Variants in GBE1 observed in about 807,000 individuals in gnomAD.
The protein encoded by GBE1 is 1,4-alpha-glucan-branching enzyme.
GBE1 carries 70 observed loss-of-function variants against 88.8 expected under a neutral mutation model. The observed-to-expected ratio is 0.79, with a 90% CI of 0.65 to 0.96. The LOEUF (loss-of-function observed/expected upper bound fraction) is 0.96. GBE1 is among the 40% of genes least tolerant of loss of function. The pLI is 0.00. For missense variants in GBE1, 872 were observed against 871.0 expected (o/e 1.00, Z -0.01); for synonymous variants, 284 against 300.1 (o/e 0.95, Z 0.56).
At chr3:81,745,432 T>A (rs142604539) in intron 1 of GBE1, among the ~76,000 whole-genome samples, 19 of 152,228 alleles carry the variant, frequency 1.2e-4, no homozygotes, top group African/African-American at 4.3e-4. Flanking sequence ...ACTGAAAGTA[T>A]CCTCTGGGAA....
chr3:81,753,284 G>T (rs1262078898), intron 1 of GBE1, among the ~76,000 whole-genome samples: 1 of 152,078 alleles, frequency 6.6e-6, no homozygotes, highest in African/African-American at 2.4e-5. Flanking sequence ...AGGAGCCCTG[G>T]ATTCAAAACA....
chr3:81,687,011 TACAGTATTTCCCCA>T (rs1466829223), intron 2 of GBE1, among the ~76,000 whole-genome samples: 1 of 152,228 alleles, frequency 6.6e-6, no homozygotes, highest in Non-Finnish European at 1.5e-5. Flanking sequence ...ATTCATTTAT[TACAGTATTTCCCCA>T]ACCTGGTTAT....
chr3:81,563,136 C>T (rs1308400497), intron 12 of GBE1, among the ~76,000 whole-genome samples: 1 of 152,070 alleles, frequency 6.6e-6, no homozygotes, highest in Non-Finnish European at 1.5e-5. Flanking sequence ...GCATGAATAA[C>T]ACTGGCAGAG....
rs550492336 is a variant in GBE1, at chr3:81,757,833, G to A, written c.143+3542C>T. Reference sequence around the variant, plus strand: ...AGATCTAGAGTGGAGACAGATGTGGGCAGCCTCAGTAGATAGATGGAATCC... The same window carrying A: ...AGATCTAGAGTGGAGACAGATGTGGACAGCCTCAGTAGATAGATGGAATCC... On this transcript the variant is annotated intron_variant, in intron 1 of 15. Transcript: ENST00000429644. Among the ~76,000 whole-genome samples the A allele has an allele frequency of 5.3e-5, 8 of 152,296 alleles. No individual in the cohort carries two copies. The South Asian group carries it at 1.7e-3, about 32-fold the overall frequency.
intron 12 of GBE1, among the ~76,000 whole-genome samples, chr3:81,571,602 T>A (rs539020314): frequency 2.6e-5 from 4 of 152,290 alleles, no homozygotes; most frequent in Admixed American, 6.5e-5. Context: ...TAAAAAGTGC[T>A]CTTCTATAAC....
chr3:81,611,499 G>A (rs1704182285), intron 7 of GBE1, among the ~76,000 whole-genome samples: 1 of 152,160 alleles, frequency 6.6e-6, no homozygotes, highest in African/African-American at 2.4e-5. Flanking sequence ...GATCGGCTTT[G>A]TGAGCTTCCA....
chr3:81,581,471 G>C (rs1703730327), intron 10 of GBE1, among the ~76,000 whole-genome samples, 196 bp from the exon 11 acceptor site: 1 of 151,830 alleles, frequency 6.6e-6, no homozygotes, highest in Non-Finnish European at 1.5e-5. Context: ...AAATGACAGT[G>C]GTGTAGAGTG....
At chr3:81,629,631 T>C (rs1286590727) in intron 7 of GBE1, among the ~76,000 whole-genome samples, 7 of 152,200 alleles carry the variant, frequency 4.6e-5, no homozygotes, top group African/African-American at 7.2e-5. Flanking sequence ...TGTCATTCAA[T>C]GCAGTTCACA....
chr3:81,574,500 C>G (rs1703618522), intron 12 of GBE1, among the ~76,000 whole-genome samples: 1 of 151,892 alleles, frequency 6.6e-6, no homozygotes, highest in African/African-American at 2.4e-5. Flanking sequence ...GGCACAGATT[C>G]CAACCCAACA....
chr3:81,564,313 T>A (rs1429255737), intron 12 of GBE1, among the ~76,000 whole-genome samples: 2 of 152,008 alleles, frequency 1.3e-5, no homozygotes, highest in African/African-American at 4.8e-5. Context: ...AGTGGGTGTA[T>A]TCCTATGGTT....
intron 1 of GBE1, among the ~76,000 whole-genome samples, chr3:81,707,828 C>A (rs1156914106): frequency 6.6e-6 from 1 of 151,880 alleles, no homozygotes. Context: ...AGTTAACAGA[C>A]ATTTATTTTC....
intron 7 of GBE1, among the ~76,000 whole-genome samples, chr3:81,621,276 C>A (rs947928496): frequency 6.6e-6 from 1 of 152,138 alleles, no homozygotes; most frequent in Non-Finnish European, 1.5e-5. Context: ...ATACCTCCTG[C>A]TGTGGCTTAT....
At chr3:81,576,485 T>A (rs897060085) in intron 12 of GBE1, among the ~76,000 whole-genome samples, 1 of 152,194 alleles carries the variant, frequency 6.6e-6, no homozygotes, top group Admixed American at 6.5e-5. Flanking sequence ...CTTTACATGG[T>A]GACATGGTTA....
chr3:81,579,422 T>G (rs1703690281), intron 11 of GBE1, among the ~76,000 whole-genome samples: 1 of 152,138 alleles, frequency 6.6e-6, no homozygotes, highest in Non-Finnish European at 1.5e-5. Flanking sequence ...AAGTATGAAA[T>G]AATTCTTGGT....
intron 2 of GBE1, among the ~76,000 whole-genome samples, chr3:81,700,034 T>A (rs1269241119): frequency 6.6e-6 from 1 of 152,246 alleles, no homozygotes; most frequent in Non-Finnish European, 1.5e-5. Flanking sequence ...TCTCATGTGA[T>A]CAGTGGCTCC....
chr3:81,588,632 C>CA (rs1426838564), intron 9 of GBE1, among the ~76,000 whole-genome samples: 2 of 151,800 alleles, frequency 1.3e-5, no homozygotes, highest in Admixed American at 6.6e-5. Flanking sequence ...CAAGTCTTCT[C>CA]AAAAAAAAGT....
At chr3:81,756,418 C>G (rs1706602273) in intron 1 of GBE1, among the ~76,000 whole-genome samples, 1 of 152,214 alleles carries the variant, frequency 6.6e-6, no homozygotes, top group South Asian at 2.1e-4. Context: ...GATATTCACT[C>G]AGCCACTGGC....
At position 81,733,905 on chromosome 3, in the gene GBE1, A is replaced by C. The variant is rs753188615; in HGVS notation, c.143+27470T>G. On this transcript the variant is annotated intron_variant, in intron 1 of 15. Transcript: ENST00000429644. The surrounding 1 kb of genome is among the most constrained non-coding windows in gnomAD (Gnocchi z 4.0). The stretch of plus-strand genomic sequence containing the variant: ...AATACTCAATAAATTGCTGGCATGG[A>C]TTCTGTTTCTACACTTGAACAAAAG... 2.6e-5 allele frequency among the ~76,000 whole-genome samples: 4 copies of C among 152,162 alleles called. No homozygotes were observed. The highest frequency in any genetic ancestry group is 5.9e-5 in the Non-Finnish European group (4 of 68,028).
At chr3:81,636,810 G>C (rs1472826205) in intron 7 of GBE1, among the ~76,000 whole-genome samples, 1 of 152,110 alleles carries the variant, frequency 6.6e-6, no homozygotes, top group Non-Finnish European at 1.5e-5. Flanking sequence ...GATTACAGGT[G>C]TGAGCCGCCA....
Sources: allele counts gnomAD v4.1 joint callset (sites outside exome capture counted in the v4.1 genomes callset), GRCh38; gene constraint gnomAD v4.1.1; non-coding constraint Gnocchi (gnomAD v3.1); transcripts MANE v1.5; gene names NCBI Gene and HGNC (gene_info 2026-07-23, HGNC 2026-07-21).